FRMPD1: variants seen among roughly 807,000 people sequenced by gnomAD.
FRMPD1 encodes the protein FERM and PDZ domain containing 1.
FRMPD1 carries 76 observed loss-of-function variants against 117.8 expected under a neutral mutation model. The observed-to-expected ratio is 0.65, with a 90% CI of 0.54 to 0.78. The LOEUF is 0.78. Among genes scored for constraint, FRMPD1 ranks in the 30% least tolerant of loss-of-function variants. The pLI, the probability that FRMPD1 is intolerant of heterozygous loss-of-function variation, is 0.00. For missense variants in FRMPD1, 1,786 were observed against 1,964.5 expected (o/e 0.91, Z 1.72); for synonymous variants, 783 against 770.4 (o/e 1.02, Z -0.27).
At chr9:37,683,663 G>A (rs7035688) in intron 1 of FRMPD1, among the ~76,000 whole-genome samples, 14,443 of 151,066 alleles carry the variant, frequency 0.096, 1,328 homozygotes, top group East Asian at 0.38. Context: ...AGTGTTGTGC[G>A]AGGGAGATGA....
chr9:37,733,766 C>T lies in FRMPD1; in HGVS notation c.1159C>T (p.Leu387=). The change falls in exon 12 of 16, where the codon CTA becomes TTA. Residue 387 remains leucine (L), a synonymous_variant. Coordinates refer to ENST00000377765, the MANE Select transcript of FRMPD1 (RefSeq NM_014907.3). ...TGCTGCCCAGCTACGTTTAAATTATCTACAGATCCTCGGAGAACTCAAGAC... is the reference window on the plus strand; with the variant it reads ...TGCTGCCCAGCTACGTTTAAATTATTTACAGATCCTCGGAGAACTCAAGAC... The part of the protein sequence containing the change: ...ISAAQLRLNY[L]QILGELKTYG... The T allele has an allele frequency of 6.2e-7, 1 of 1,607,902 alleles. No individual in the cohort carries two copies. Among genetic ancestry groups the T allele is most frequent in the Middle Eastern group, 1.7e-4 (1 of 6,052 alleles).
the FRMPD1 span, among the ~76,000 whole-genome samples, chr9:37,642,640 C>G: frequency 1.3e-5 from 2 of 152,214 alleles, no homozygotes; most frequent in Non-Finnish European, 2.9e-5. Context: ...CCAGAGGGCT[C>G]TGTTTCCTCC....
At chr9:37,741,450 GACACACACACAC>G (rs56971939) in intron 15 of FRMPD1, among the ~76,000 whole-genome samples, 109 of 135,740 alleles carry the variant, frequency 8.0e-4, no homozygotes, top group African/African-American at 2.2e-3. Flanking sequence ...ATCCTGGCAG[GACACACACACAC>G]ACACACACAC....
chr9:37,614,698 T>A, the FRMPD1 span, among the ~76,000 whole-genome samples: 3 of 152,222 alleles, frequency 2.0e-5, no homozygotes, highest in Non-Finnish European at 4.4e-5. Flanking sequence ...CTAGCTTATT[T>A]ACAAGGAAAA....
At chr9:37,614,040 G>C in the FRMPD1 span, among the ~76,000 whole-genome samples, 8 of 152,216 alleles carry the variant, frequency 5.3e-5, no homozygotes, top group Admixed American at 4.6e-4. Context: ...AGGGAAGAAT[G>C]CTGCCAGCAG....
At chr9:37,700,365 A>C (rs970522555) in intron 2 of FRMPD1, among the ~76,000 whole-genome samples, 4 of 152,262 alleles carry the variant, frequency 2.6e-5, no homozygotes, top group Non-Finnish European at 5.9e-5. Flanking sequence ...TCCTTCTGGT[A>C]CAGACTGATG....
intron 1 of FRMPD1, among the ~76,000 whole-genome samples, chr9:37,666,381 C>T (rs1274239144): frequency 6.6e-6 from 1 of 152,042 alleles, no homozygotes; most frequent in Non-Finnish European, 1.5e-5. Flanking sequence ...GATCTGGCTT[C>T]TTCCACCTGC....
upstream of FRMPD1, among the ~76,000 whole-genome samples, chr9:37,649,352 T>C (rs1351256814): frequency 6.6e-6 from 1 of 152,248 alleles, no homozygotes; most frequent in Non-Finnish European, 1.5e-5. Context: ...ATTTCCACTA[T>C]GGCTTCAGAA....
At chr9:37,688,960 A>T (rs1047568702) in intron 1 of FRMPD1, among the ~76,000 whole-genome samples, 2 of 152,100 alleles carry the variant, frequency 1.3e-5, no homozygotes, top group Non-Finnish European at 2.9e-5. Context: ...GTTAAACATT[A>T]TTAAAAATCA....
intron 2 of FRMPD1, among the ~76,000 whole-genome samples, chr9:37,694,559 C>T (rs1822254378): frequency 6.6e-6 from 1 of 152,076 alleles, no homozygotes; most frequent in Admixed American, 6.6e-5. Flanking sequence ...TTCTTTTATT[C>T]TTTTTTGAGA....
At chr9:37,637,022 G>A in the FRMPD1 span, 2 of 1,553,546 alleles carry the variant, frequency 1.3e-6, no homozygotes, top group East Asian at 4.5e-5. Flanking sequence ...TTCCTGGTCA[G>A]TGACGTCATA....
the FRMPD1 span, among the ~76,000 whole-genome samples, chr9:37,645,750 C>T: frequency 6.6e-6 from 1 of 152,190 alleles, no homozygotes; most frequent in Non-Finnish European, 1.5e-5. Context: ...TATTGTTTTT[C>T]TGTCAAATTT....
rs566546915 is a variant in FRMPD1, at chr9:37,675,796, TAGA to T, written c.-4-16835_-4-16833del. Among the ~76,000 whole-genome samples the T allele has an allele frequency of 9.9e-5, 15 of 152,238 alleles. No individual in the cohort carries two copies. In the South Asian group the frequency reaches 3.1e-3, roughly 32 times the overall value. ...GATCTAGAGATGGAAATGGAGGTATTAGAAGAAGAGACTTGCTGAGAGCCACAC... is the reference window on the plus strand; with the variant it reads ...GATCTAGAGATGGAAATGGAGGTATTAGAAGAGACTTGCTGAGAGCCACAC... On this transcript the variant is annotated intron_variant, in intron 1 of 15. Transcript: ENST00000377765.
At chr9:37,701,894 T>C (rs1822546551) in intron 2 of FRMPD1, among the ~76,000 whole-genome samples, 1 of 152,066 alleles carries the variant, frequency 6.6e-6, no homozygotes, top group Non-Finnish European at 1.5e-5. Context: ...AACAGAATGG[T>C]GGCTGTGGAG....
intron 9 of FRMPD1, among the ~76,000 whole-genome samples, 161 bp downstream of exon 9, chr9:37,731,264 C>T (rs965870116): frequency 6.6e-6 from 1 of 152,216 alleles, no homozygotes; most frequent in Non-Finnish European, 1.5e-5. Context: ...TTCCCTTTTC[C>T]ATCACTGAGT....
intron 5 of FRMPD1, among the ~76,000 whole-genome samples, chr9:37,712,796 TAAAAC>T (rs1293480461): frequency 1.3e-5 from 2 of 152,048 alleles, no homozygotes; most frequent in African/African-American, 2.4e-5. Context: ...AAAAGATTAA[TAAAAC>T]AAACATAAAG....
chr9:37,742,064 G>A lies in FRMPD1; in HGVS notation c.2356+1180G>A, dbSNP rs188250109. ...TGATGTTTCTCTCCATCACTAGACC[G>A]AGAACTCCTTTGAGCGTTAGAACTG... On this transcript the variant is annotated intron_variant, in intron 15 of 15. Coordinates refer to ENST00000377765, the MANE Select transcript of FRMPD1 (RefSeq NM_014907.3). 1.6e-3 allele frequency among the ~76,000 whole-genome samples: 238 copies of A among 152,302 alleles called. 1 individual carries two copies. Among genetic ancestry groups the A allele is most frequent in the Admixed American group, 3.7e-3 (57 of 15,294 alleles).
the FRMPD1 span, among the ~76,000 whole-genome samples, chr9:37,607,351 G>T: frequency 6.6e-6 from 1 of 152,002 alleles, no homozygotes; most frequent in East Asian, 1.9e-4. Context: ...TCCGGGGAAA[G>T]GAATGAAAGT....
At chr9:37,685,380 A>C (rs1215304561) in intron 1 of FRMPD1, among the ~76,000 whole-genome samples, 2 of 152,084 alleles carry the variant, frequency 1.3e-5, no homozygotes, top group Non-Finnish European at 2.9e-5. Context: ...GCAGTGGCTC[A>C]CGCCTGTAAT....
Sources: allele counts gnomAD v4.1 joint callset (sites outside exome capture counted in the v4.1 genomes callset), GRCh38; gene constraint gnomAD v4.1.1; transcripts MANE v1.5; gene names NCBI Gene and HGNC (gene_info 2026-07-23, HGNC 2026-07-21).